ZNF100: variants seen among roughly 807,000 people sequenced by gnomAD.
ZNF100 encodes the protein zinc finger protein 100.
A neutral mutation model predicts 15.8 loss-of-function variants in ZNF100; 12 were observed. The ratio of observed to expected loss-of-function variants is 0.76; its 90% confidence interval spans 0.49 to 1.23. The LOEUF (loss-of-function observed/expected upper bound fraction) is 1.23. ZNF100 is among the 50% of genes most tolerant of loss of function. The pLI, the probability that ZNF100 is intolerant of heterozygous loss-of-function variation, is 0.00. For synonymous variants in ZNF100, 226 were observed against 214.8 expected (o/e 1.05, Z -0.45); for missense variants, 670 against 635.6 (o/e 1.05, Z -0.58).
chr19:21,738,249 A>C (rs1184237319), intron 4 of ZNF100, among the ~76,000 whole-genome samples: 1 of 1,390 alleles, frequency 7.2e-4, no homozygotes, highest in African/African-American at 2.0e-3. Flanking sequence ...ACACTATGTC[A>C]AAAAAAAAAA....
At position 21,767,577 on chromosome 19, in the gene ZNF100, G is replaced by C; in HGVS notation, c.-148C>G. 1 of 1,314,442 alleles carries C rather than the reference G, an allele frequency of 7.6e-7. No homozygotes were observed. Among genetic ancestry groups the C allele is most frequent in the Non-Finnish European group, 1.0e-6 (1 of 954,326 alleles). 81.4% of individuals were successfully genotyped at this position (1,314,442 alleles called of 1,614,324 possible). A position where few individuals can be genotyped will look rare whatever the true frequency, so the allele number is the denominator to read the frequency against. On this transcript the variant is annotated 5_prime_UTR_variant, in exon 1 of 5. Coordinates refer to ENST00000358296, the MANE Select transcript of ZNF100 (RefSeq NM_173531.4). Reference sequence around the variant, plus strand: ...AGCTCCGGCTACAGCGAGAGACAAAGACCCCGCCAAACCCGGAAGCCGTCC... The same window carrying C: ...AGCTCCGGCTACAGCGAGAGACAAACACCCCGCCAAACCCGGAAGCCGTCC...
chr19:21,738,247 TCAAAAAAAAAAAA>T (rs2036043481), intron 4 of ZNF100, among the ~76,000 whole-genome samples: 1 of 48,592 alleles, frequency 2.1e-5, no homozygotes, highest in Non-Finnish European at 3.3e-5. Context: ...TGACACTATG[TCAAAAAAAAAAAA>T]AAAAAAAAAA....
intron 2 of ZNF100, among the ~76,000 whole-genome samples, chr19:21,745,948 A>C (rs1385225905): frequency 3.9e-5 from 6 of 152,222 alleles, no homozygotes; most frequent in Non-Finnish European, 5.9e-5. Context: ...CTGTAAAACA[A>C]AGAGCCTTCA....
intron 4 of ZNF100, among the ~76,000 whole-genome samples, chr19:21,736,284 C>T (rs1252150024): frequency 1.3e-5 from 2 of 152,062 alleles, no homozygotes; most frequent in African/African-American, 4.8e-5. Flanking sequence ...GACAGAGTTT[C>T]ACCATGTCTA....
At position 21,765,689 on chromosome 19, in the gene ZNF100, G is replaced by A; in HGVS notation, c.96+5C>T. ...GAAGACAATTTTAATGTCTCAAGGG[G>A]TTACCTTTTCAAAATAAGACTGCAC... On this transcript the variant is annotated splice_donor_5th_base_variant and intron_variant, in intron 2 of 4. Transcript: ENST00000358296. The A allele has an allele frequency of 1.9e-6, 3 of 1,613,912 alleles. No homozygotes were observed. Among genetic ancestry groups the A allele is most frequent in the Non-Finnish European group, 2.5e-6 (3 of 1,179,916 alleles).
Position 21,748,628 on chromosome 19 carries a change from C to T in ZNF100, c.97-3561G>A, listed in dbSNP as rs183372874. Reference sequence around the variant, plus strand: ...AGATACACAAATAATACTAACAACTCTTCAGTCCATAAATATCCCTTCAGG... The same window carrying T: ...AGATACACAAATAATACTAACAACTTTTCAGTCCATAAATATCCCTTCAGG... On this transcript the variant is annotated intron_variant, in intron 2 of 4. Coordinates refer to ENST00000358296, the MANE Select transcript of ZNF100 (RefSeq NM_173531.4). Among the ~76,000 whole-genome samples, 561 of 152,306 alleles carry T rather than the reference C, an allele frequency of 3.7e-3. 4 individuals carry two copies. The highest frequency in any genetic ancestry group is 6.5e-3 in the Non-Finnish European group (441 of 68,018).
Position 21,727,016 on chromosome 19 carries a change from T to C in ZNF100, c.1296A>G (p.Glu432=). The C allele has an allele frequency of 6.2e-7, 1 of 1,613,812 alleles. No homozygotes were observed. The highest frequency in any genetic ancestry group is 8.5e-7 in the Non-Finnish European group (1 of 1,179,886). The change falls in exon 5 of 5, where the codon GAA becomes GAG. Residue 432 remains glutamate (E), a synonymous_variant. Transcript: ENST00000358296. ...ACTCATTAAAAGCTTTGCCACATTC[T>C]TCACATTTGTAGGGTTTCTCTCCAG... ...IHTGEKPYKC[E]ECGKAFNESS... is the part of the protein sequence containing the mutation.
chr19:21,740,351 T>C (rs2036086544), intron 4 of ZNF100, among the ~76,000 whole-genome samples: 1 of 151,988 alleles, frequency 6.6e-6, no homozygotes, highest in Admixed American at 6.6e-5. Context: ...CTAACGAATC[T>C]CTTAGAACAA....
Position 21,727,802 on chromosome 19 carries a change from T to A in ZNF100, c.510A>T (p.Ile170=), listed in dbSNP as rs2035838247. The change falls in exon 5 of 5, where the codon ATA becomes ATT. Residue 170 remains isoleucine (I), a synonymous_variant. Transcript: ENST00000358296. ...EHDNKLNQCL[I]TTQSNIFQCD... ...ATTGAAATATGTTGCTCTGGGTAGT[T>A]ATCAAACACTGGTTTAATTTGTTAT... The A allele has an allele frequency of 5.6e-6, 9 of 1,613,488 alleles. No individual in the cohort carries two copies. The Admixed American group carries it at 1.5e-4, about 27-fold the overall frequency.
chr19:21,734,199 C>T (rs763686850), intron 4 of ZNF100, among the ~76,000 whole-genome samples: 9 of 152,224 alleles, frequency 5.9e-5, no homozygotes, highest in South Asian at 2.1e-4. Flanking sequence ...AGCACAGAAC[C>T]GGGAGAAGCC....
At chr19:21,757,314 TG>T (rs1478042190) in intron 2 of ZNF100, among the ~76,000 whole-genome samples, 1 of 152,220 alleles carries the variant, frequency 6.6e-6, no homozygotes, top group Non-Finnish European at 1.5e-5. Context: ...GGTGCATGTC[TG>T]TAGTTCCAGC....
chr19:21,743,537 A>T (rs2145715921), intron 4 of ZNF100, among the ~76,000 whole-genome samples: 1 of 152,368 alleles, frequency 6.6e-6, no homozygotes, highest in South Asian at 2.1e-4. Context: ...TTTCAAGAAT[A>T]TAGTAATAAA....
At chr19:21,728,626 C>A (rs1000580823) in intron 4 of ZNF100, among the ~76,000 whole-genome samples, 7 of 151,950 alleles carry the variant, frequency 4.6e-5, no homozygotes, top group African/African-American at 1.7e-4. Flanking sequence ...TTGAGAGACT[C>A]CCAGAATCTC....
At chr19:21,757,726 G>A (rs929663887) in intron 2 of ZNF100, among the ~76,000 whole-genome samples, 2 of 152,062 alleles carry the variant, frequency 1.3e-5, no homozygotes, top group Non-Finnish European at 2.9e-5. Context: ...CCTATCAGTG[G>A]TAGCCTAGAT....
chr19:21,735,688 A>C (rs1200107700), intron 4 of ZNF100, among the ~76,000 whole-genome samples: 1 of 152,176 alleles, frequency 6.6e-6, no homozygotes, highest in Non-Finnish European at 1.5e-5. Flanking sequence ...TTTCTGATAA[A>C]ACAGACTTTA....
At chr19:21,767,260 G>A (rs1386250243) in intron 1 of ZNF100, among the ~76,000 whole-genome samples, 167 bp downstream of exon 1, 2 of 152,156 alleles carry the variant, frequency 1.3e-5, no homozygotes, top group African/African-American at 2.4e-5. Context: ...GGTCCTGGCT[G>A]TCAGCGCAGC....
intron 2 of ZNF100, chr19:21,746,766 T>C (rs1405778573): frequency 6.6e-6 from 1 of 152,150 alleles, no homozygotes; most frequent in African/African-American, 2.4e-5. Context: ...AAATACTAAA[T>C]GCATGAGACT....
Position 21,765,476 on chromosome 19 carries a change from T to C in ZNF100, c.96+218A>G, listed in dbSNP as rs185506293. 2.6e-5 allele frequency among the ~76,000 whole-genome samples: 4 copies of C among 152,350 alleles called. No individual in the cohort carries two copies. In the East Asian group the frequency reaches 7.7e-4, roughly 29 times the overall value. On this transcript the variant is annotated intron_variant, in intron 2 of 4. Coordinates refer to ENST00000358296, the MANE Select transcript of ZNF100 (RefSeq NM_173531.4). ...GGTCAGTTCTGTTGTTGTTTGTCTT[T>C]TGGAATACTTTTTGGTAACAAAATT...
intron 2 of ZNF100, among the ~76,000 whole-genome samples, chr19:21,760,785 C>T (rs2036471403): frequency 8.0e-6 from 1 of 124,562 alleles, no homozygotes; most frequent in African/African-American, 3.2e-5. Context: ...GAGATGGAGT[C>T]TCACTCTGTC....
Sources: allele counts gnomAD v4.1 joint callset (sites outside exome capture counted in the v4.1 genomes callset), GRCh38; gene constraint gnomAD v4.1.1; transcripts MANE v1.5; gene names NCBI Gene and HGNC (gene_info 2026-07-23, HGNC 2026-07-21).